The following SEZ6L variants were observed in gnomAD, a reference collection of about 807,000 sequenced individuals.
The protein encoded by SEZ6L is seizure 6-like protein.
A neutral mutation model predicts 106.2 loss-of-function variants in SEZ6L; 37 were observed. That is an observed-to-expected ratio of 0.35 (90% CI 0.27 to 0.46). The LOEUF is 0.46. Ranked by LOEUF, SEZ6L falls within the 20% of genes least tolerant of loss-of-function variation. SEZ6L has a pLI of 1.00. For synonymous variants in SEZ6L, 541 were observed against 570.4 expected, an observed-to-expected ratio of 0.95 and a Z score of 0.73; for missense variants, 1,172 against 1,332.8, an observed-to-expected ratio of 0.88 and a Z score of 1.88.
At chr22:26,379,640 C>A (rs1471600263) in intron 16 of SEZ6L, among the ~76,000 whole-genome samples, 8 of 74,236 alleles carry the variant, frequency 1.1e-4, no homozygotes, top group Non-Finnish European at 2.0e-4. Flanking sequence ...AGAAATCAAA[C>A]TACCCCCCAT....
intron 1 of SEZ6L, among the ~76,000 whole-genome samples, chr22:26,178,440 G>A (rs1569356079): frequency 6.6e-6 from 1 of 152,242 alleles, no homozygotes; most frequent in Non-Finnish European, 1.5e-5. Flanking sequence ...GATGTGGAGA[G>A]CAGGGAAGGA....
At chr22:26,172,080 G>A (rs1938658994) in intron 1 of SEZ6L, among the ~76,000 whole-genome samples, 1 of 152,114 alleles carries the variant, frequency 6.6e-6, no homozygotes, top group Admixed American at 6.5e-5. Context: ...ACTTGTTTTT[G>A]AAGAGCCTCC....
chr22:26,286,349 C>A (rs760463162), intron 1 of SEZ6L, among the ~76,000 whole-genome samples: 1 of 152,126 alleles, frequency 6.6e-6, no homozygotes, highest in Admixed American at 6.6e-5. Context: ...AAAATCAGCT[C>A]GTTCTGTAAA....
At chr22:26,204,817 G>T (rs1941194810) in intron 1 of SEZ6L, among the ~76,000 whole-genome samples, 1 of 152,226 alleles carries the variant, frequency 6.6e-6, no homozygotes, top group South Asian at 2.1e-4. Flanking sequence ...GCTCTAATGA[G>T]CTGGATCCAT....
At chr22:26,234,729 C>A (rs1375040751) in intron 1 of SEZ6L, among the ~76,000 whole-genome samples, 3 of 152,258 alleles carry the variant, frequency 2.0e-5, no homozygotes, top group Non-Finnish European at 4.4e-5. Flanking sequence ...ATATACTGTG[C>A]TCTAGGCACC....
chr22:26,234,562 A>C (rs2078900125), intron 1 of SEZ6L, among the ~76,000 whole-genome samples: 1 of 152,252 alleles, frequency 6.6e-6, no homozygotes, highest in Non-Finnish European at 1.5e-5. Flanking sequence ...CTGACAGCCC[A>C]GAACAGCATT....
intron 5 of SEZ6L, among the ~76,000 whole-genome samples, chr22:26,304,760 CT>C (rs200421762): frequency 2.7e-5 from 4 of 150,860 alleles, no homozygotes; most frequent in African/African-American, 4.9e-5. Flanking sequence ...TTCTAACTTG[CT>C]TTTTTTTTCA....
chr22:26,230,504 C>A (rs1380569723), intron 1 of SEZ6L, among the ~76,000 whole-genome samples: 1 of 152,186 alleles, frequency 6.6e-6, no homozygotes, highest in Non-Finnish European at 1.5e-5. Flanking sequence ...GACAAGGTTC[C>A]TGCTTTTGTG....
chr22:26,327,970 C>T (rs2082371786), intron 9 of SEZ6L, among the ~76,000 whole-genome samples: 1 of 152,250 alleles, frequency 6.6e-6, no homozygotes, highest in Non-Finnish European at 1.5e-5. Flanking sequence ...GTCTGGAAAA[C>T]TCAGGCCTCA....
At chr22:26,181,944 C>T (rs1376558212) in intron 1 of SEZ6L, among the ~76,000 whole-genome samples, 3 of 152,168 alleles carry the variant, frequency 2.0e-5, no homozygotes, top group Non-Finnish European at 4.4e-5. Context: ...AGAGCTCAGT[C>T]GTGAGACGCA....
chr22:26,233,400 A>C (rs1243381225), intron 1 of SEZ6L, among the ~76,000 whole-genome samples: 1 of 152,146 alleles, frequency 6.6e-6, no homozygotes, highest in Non-Finnish European at 1.5e-5. Context: ...AGCCTCCCCG[A>C]AGTCCTCACT....
chr22:26,332,929 TCA>T (rs1327726086), intron 9 of SEZ6L, among the ~76,000 whole-genome samples: 1 of 152,222 alleles, frequency 6.6e-6, no homozygotes, highest in Non-Finnish European at 1.5e-5. Flanking sequence ...TGGTTGAGCC[TCA>T]GTTTCCTTAT....
intron 1 of SEZ6L, among the ~76,000 whole-genome samples, chr22:26,175,633 A>G (rs1938936618): frequency 6.6e-6 from 1 of 152,174 alleles, no homozygotes; most frequent in South Asian, 2.1e-4. Context: ...AAAGGAGAAG[A>G]CCTCGTAAAA....
intron 6 of SEZ6L, among the ~76,000 whole-genome samples, chr22:26,307,020 G>C (rs546485211): frequency 3.9e-5 from 6 of 152,204 alleles, no homozygotes; most frequent in South Asian, 2.1e-4. Context: ...ACATGGGAAA[G>C]TGAGATTGTG....
At chr22:26,268,687 T>G (rs1569432368) in intron 1 of SEZ6L, among the ~76,000 whole-genome samples, 1 of 152,182 alleles carries the variant, frequency 6.6e-6, no homozygotes, top group Admixed American at 6.5e-5. Flanking sequence ...GAAAGGTGCC[T>G]GTCCCGTGCA....
chr22:26,365,563 A>G lies in SEZ6L; in HGVS notation c.2791A>G (p.Lys931Glu). 6.2e-7 allele frequency: 1 copy of G among 1,611,856 alleles called. No homozygotes were observed. ...CTGGAACGGGCCCCTGCCCGTGTGTAAAGGTAAAGAAACCTACTCACCACA... is the reference window on the plus strand; with the variant it reads ...CTGGAACGGGCCCCTGCCCGTGTGTGAAGGTAAAGAAACCTACTCACCACA... ...SHWNGPLPVC[K>E]VNQDSFEHAL... The change falls in exon 13 of 17, where the codon AAA (lysine) becomes GAA (glutamate). Residue 931 changes from lysine to glutamate, a missense_variant. Physicochemically the swap from Lys to Glu is moderately conservative, Grantham distance 56. Coordinates refer to ENST00000248933, the MANE Select transcript of SEZ6L (RefSeq NM_021115.5).
intron 1 of SEZ6L, among the ~76,000 whole-genome samples, chr22:26,183,722 A>C (rs1458987679): frequency 6.6e-6 from 1 of 152,200 alleles, no homozygotes; most frequent in African/African-American, 2.4e-5. Flanking sequence ...GAATGTGGGA[A>C]AATATATCCT....
intron 9 of SEZ6L, among the ~76,000 whole-genome samples, chr22:26,314,495 C>A (rs1006694965): frequency 6.6e-6 from 1 of 152,204 alleles, no homozygotes; most frequent in Non-Finnish European, 1.5e-5. Flanking sequence ...TCAACTAGAC[C>A]AGAAGGTCCT....
chr22:26,351,065 C>A lies in SEZ6L; in HGVS notation c.2421C>A (p.Thr807=). The A allele has an allele frequency of 6.2e-7, 1 of 1,613,702 alleles. No individual in the cohort carries two copies. The highest frequency in any genetic ancestry group is 8.5e-7 in the Non-Finnish European group (1 of 1,179,866). ...PPFCEKIMYC[T]DPGEVDHSTR... The stretch of plus-strand genomic sequence containing the variant: ...CATCCCGTGTAGTTATGTACTGCAC[C>A]GACCCCGGAGAGGTGGATCACTCGA... The change falls in exon 12 of 17, where the codon ACC becomes ACA. Residue 807 remains threonine, a synonymous_variant. Transcript: ENST00000248933.
Sources: gnomAD v4.1 joint callset for allele counts (sites outside exome capture counted in the v4.1 genomes callset) on GRCh38, gnomAD v4.1.1 for gene constraint, MANE v1.5 for transcripts, NCBI Gene and HGNC (gene_info 2026-07-23, HGNC 2026-07-21) for gene names.